FARS2: variants seen among roughly 807,000 people sequenced by gnomAD.
FARS2 encodes the protein phenylalanine--tRNA ligase, mitochondrial.
In FARS2, 40 loss-of-function variants were observed where a neutral mutation model predicts 46.4. The ratio of observed to expected loss-of-function variants is 0.86; its 90% CI spans 0.67 to 1.12. The LOEUF is 1.12. Among genes scored for constraint, FARS2 ranks in the 50% most tolerant of loss-of-function variants. The pLI is 0.00. For missense variants in FARS2, 513 were observed against 567.9 expected (o/e 0.90, Z 0.98); for synonymous variants, 234 against 214.9 (o/e 1.09, Z -0.78).
chr6:5,445,288 C>A (rs1335615500), intron 4 of FARS2, among the ~76,000 whole-genome samples: 1 of 152,148 alleles, frequency 6.6e-6, no homozygotes, highest in African/African-American at 2.4e-5. Flanking sequence ...GCTTTGCAGG[C>A]AGGTAGTGAT....
At chr6:5,559,914 G>A (rs1020910886) in intron 5 of FARS2, among the ~76,000 whole-genome samples, 4 of 152,088 alleles carry the variant, frequency 2.6e-5, no homozygotes, top group Non-Finnish European at 4.4e-5. Context: ...TGTAAATGGA[G>A]CAGGGATAAT....
chr6:5,414,426 C>A (rs1383932224), intron 3 of FARS2, among the ~76,000 whole-genome samples: 2 of 152,200 alleles, frequency 1.3e-5, no homozygotes, highest in Non-Finnish European at 2.9e-5. Context: ...ACTCTCCCTA[C>A]CCACCAGGCC....
intron 2 of FARS2, among the ~76,000 whole-genome samples, chr6:5,372,825 C>G (rs147745344): frequency 1.3e-5 from 2 of 152,170 alleles, no homozygotes; most frequent in East Asian, 3.9e-4. Context: ...GGGTATTTGT[C>G]ATATCTTTCG....
chr6:5,392,368 C>G (rs930324162), intron 2 of FARS2, among the ~76,000 whole-genome samples: 1 of 151,976 alleles, frequency 6.6e-6, no homozygotes, highest in Non-Finnish European at 1.5e-5. Context: ...GTTTTGAAAA[C>G]TTTACTGTGT....
chr6:5,259,514 GTT>G (rs1339908843), upstream of FARS2, among the ~76,000 whole-genome samples: 1 of 152,184 alleles, frequency 6.6e-6, no homozygotes, highest in Non-Finnish European at 1.5e-5. Flanking sequence ...TTCCAGGCGG[GTT>G]TCTAAAAATT....
At chr6:5,733,551 G>T (rs552870014) in intron 6 of FARS2, among the ~76,000 whole-genome samples, 19 of 152,264 alleles carry the variant, frequency 1.2e-4, no homozygotes, top group African/African-American at 4.3e-4. Context: ...TTTATATTTT[G>T]TTTTTGTTCT....
intron 1 of FARS2, among the ~76,000 whole-genome samples, chr6:5,279,574 G>A (rs34433870): frequency 0.02 from 3,021 of 147,384 alleles, 105 homozygotes; most frequent in African/African-American, 0.068. Context: ...GTGTGTGTGT[G>A]TATATATATA....
At chr6:5,277,341 A>G (rs1766409195) in intron 1 of FARS2, among the ~76,000 whole-genome samples, 2 of 152,226 alleles carry the variant, frequency 1.3e-5, no homozygotes, top group African/African-American at 4.8e-5. Flanking sequence ...TTTTAAACAA[A>G]CTAAATTGAC....
intron 1 of FARS2, among the ~76,000 whole-genome samples, chr6:5,304,433 A>G (rs1438074519): frequency 6.6e-6 from 1 of 152,230 alleles, no homozygotes. Flanking sequence ...CATATTTTGA[A>G]TTAGTCTCTT....
chr6:5,373,632 T>TC (rs1406724003), intron 2 of FARS2, among the ~76,000 whole-genome samples: 1 of 152,138 alleles, frequency 6.6e-6, no homozygotes, highest in Non-Finnish European at 1.5e-5. Context: ...TTAGTGGACT[T>TC]CTTTTGTTGA....
intron 4 of FARS2, among the ~76,000 whole-genome samples, chr6:5,498,313 C>A (rs1303822451): frequency 2.0e-5 from 3 of 151,942 alleles, no homozygotes; most frequent in African/African-American, 7.3e-5. Flanking sequence ...TTATTTTTTC[C>A]TTTTATTCGT....
chr6:5,676,230 G>A (rs1471471861), intron 6 of FARS2, among the ~76,000 whole-genome samples: 3 of 152,144 alleles, frequency 2.0e-5, no homozygotes, highest in Non-Finnish European at 4.4e-5. Context: ...TGAACCGAGC[G>A]TGAGATGAAT....
intron 6 of FARS2, among the ~76,000 whole-genome samples, chr6:5,690,326 T>A (rs1189280298): frequency 1.3e-5 from 2 of 152,208 alleles, no homozygotes; most frequent in Non-Finnish European, 2.9e-5. Context: ...GATTTTGCAG[T>A]GGCTAGTACT....
intron 4 of FARS2, among the ~76,000 whole-genome samples, chr6:5,437,861 C>A (rs2127781213): frequency 6.6e-6 from 1 of 152,164 alleles, no homozygotes; most frequent in East Asian, 1.9e-4. Flanking sequence ...TTCCTTTATT[C>A]CTGAAAATAC....
At chr6:5,683,251 C>A (rs1385713195) in intron 6 of FARS2, among the ~76,000 whole-genome samples, 1 of 152,112 alleles carries the variant, frequency 6.6e-6, no homozygotes, top group African/African-American at 2.4e-5. Flanking sequence ...GAGTCAGGGT[C>A]ACTCTGAAGG....
At chr6:5,422,573 A>T (rs1425518585) in intron 3 of FARS2, among the ~76,000 whole-genome samples, 1 of 152,120 alleles carries the variant, frequency 6.6e-6, no homozygotes, top group African/African-American at 2.4e-5. Flanking sequence ...TTTACTCTCT[A>T]CTGTAAACTG....
chr6:5,748,793 G>A (rs775700602), intron 6 of FARS2, among the ~76,000 whole-genome samples: 2 of 152,192 alleles, frequency 1.3e-5, no homozygotes, highest in African/African-American at 4.8e-5. Flanking sequence ...GCCTGTGGGC[G>A]AATGCTGTGG....
intron 1 of FARS2, among the ~76,000 whole-genome samples, chr6:5,300,925 G>C (rs1768255714): frequency 6.6e-6 from 1 of 151,880 alleles, no homozygotes; most frequent in Non-Finnish European, 1.5e-5. Context: ...TGTAGAGATG[G>C]GGTCTTGCCA....
In FARS2 at chr6:5,769,170, G is replaced by A. The variant is rs574334537; in HGVS notation, c.1218-2121G>A. ...TTTGTGTGTGTGTGGTGTGAGGTAGGGATTCAGCTTCATTCTTTTGCATGT... is the reference window on the plus strand; with the variant it reads ...TTTGTGTGTGTGTGGTGTGAGGTAGAGATTCAGCTTCATTCTTTTGCATGT... On this transcript the variant is annotated intron_variant, in intron 6 of 6. Coordinates refer to ENST00000274680, the MANE Select transcript of FARS2 (RefSeq NM_006567.5). Among the ~76,000 whole-genome samples the A allele has an allele frequency of 2.6e-5, 4 of 152,170 alleles. No individual in the cohort carries two copies. The East Asian group carries it at 7.7e-4, about 29-fold the overall frequency.
Sources: gnomAD v4.1 joint callset for allele counts (sites outside exome capture counted in the v4.1 genomes callset) on GRCh38, gnomAD v4.1.1 for gene constraint, MANE v1.5 for transcripts, NCBI Gene and HGNC (gene_info 2026-07-23, HGNC 2026-07-21) for gene names.